ALG5: variants seen among roughly 807,000 people sequenced by gnomAD.
ALG5 encodes the protein dolichyl-phosphate beta-glucosyltransferase.
A neutral mutation model predicts 51.8 loss-of-function variants in ALG5; 26 were observed. The observed-to-expected ratio is 0.50, with a 90% CI of 0.37 to 0.70. The LOEUF is 0.70. Ranked by LOEUF, ALG5 falls within the 30% of genes least tolerant of loss-of-function variation. The probability of loss-of-function intolerance (pLI) is 0.00; values close to 1 mark genes in which losing one functional copy is unlikely to be tolerated. For missense variants in ALG5, 311 were observed against 399.3 expected, an observed-to-expected ratio of 0.78 and a Z score of 1.88; for synonymous variants, 141 against 136.1, an observed-to-expected ratio of 1.04 and a Z score of -0.25.
At chr13:36,977,185 T>A (rs2058955939) in intron 6 of ALG5, among the ~76,000 whole-genome samples, 1 of 152,214 alleles carries the variant, frequency 6.6e-6, no homozygotes, top group African/African-American at 2.4e-5. Flanking sequence ...TCTAAACATT[T>A]TTTCAAAAAG....
chr13:36,992,317 G>A (rs963160663), intron 4 of ALG5, among the ~76,000 whole-genome samples: 1 of 152,164 alleles, frequency 6.6e-6, no homozygotes, highest in Non-Finnish European at 1.5e-5. Context: ...CTTAACAGCT[G>A]AAGAAATGTG....
At chr13:36,962,680 T>C (rs2058873030) in intron 8 of ALG5, among the ~76,000 whole-genome samples, 1 of 152,004 alleles carries the variant, frequency 6.6e-6, no homozygotes, top group South Asian at 2.1e-4. Flanking sequence ...AATAAAAGGC[T>C]TGCATGTAAC....
At chr13:36,984,467 AT>A (rs1365303156) in intron 6 of ALG5, among the ~76,000 whole-genome samples, 1 of 151,636 alleles carries the variant, frequency 6.6e-6, no homozygotes, top group Non-Finnish European at 1.5e-5. Context: ...CTAAATTCTT[AT>A]TTTCATTGTT....
At chr13:36,967,000 AT>A (rs1330859103) in intron 7 of ALG5, among the ~76,000 whole-genome samples, 1 of 152,024 alleles carries the variant, frequency 6.6e-6, no homozygotes, top group East Asian at 1.9e-4. Flanking sequence ...AGGCAGGTGG[AT>A]TGCTTGAGGT....
intron 6 of ALG5, among the ~76,000 whole-genome samples, chr13:36,979,112 G>C (rs2058967313): frequency 6.6e-6 from 1 of 151,990 alleles, no homozygotes; most frequent in Admixed American, 6.6e-5. Flanking sequence ...CACCTCTTGG[G>C]CTCAAGTTAT....
At chr13:36,974,274 GA>G (rs1257351788) in intron 6 of ALG5, among the ~76,000 whole-genome samples, 10 of 152,190 alleles carry the variant, frequency 6.6e-5, no homozygotes, top group Admixed American at 5.9e-4. Context: ...GGGTAACTGA[GA>G]GATGAAAAGT....
At chr13:36,971,926 GAAAT>G in intron 7 of ALG5, 47 bp downstream of exon 7, 1 of 1,428,588 alleles carries the variant, frequency 7.0e-7, no homozygotes, top group Non-Finnish European at 9.6e-7. Flanking sequence ...TATAAAAAAA[GAAAT>G]AAAAGCCAAT....
intron 6 of ALG5, among the ~76,000 whole-genome samples, chr13:36,975,701 TA>T (rs1256144559): frequency 6.6e-6 from 1 of 152,202 alleles, no homozygotes; most frequent in Admixed American, 6.5e-5. Context: ...AATACTAAGT[TA>T]AAAGTCTGAA....
intron 8 of ALG5, among the ~76,000 whole-genome samples, chr13:36,961,980 G>T (rs1352813523): frequency 1.3e-5 from 2 of 152,222 alleles, no homozygotes; most frequent in East Asian, 1.9e-4. Flanking sequence ...TAAAGACGAG[G>T]TTTCACCATT....
rs186425159 is a variant in ALG5 at position 36,961,935 on chromosome 13, C to T, written c.773+3640G>A. Among the ~76,000 whole-genome samples the T allele has an allele frequency of 4.1e-3, 626 of 152,190 alleles. 5 individuals are homozygous for T. Among genetic ancestry groups the T allele is most frequent in the African/African-American group, 0.015 (609 of 41,522 alleles). ...TAGCTGGGATTACAGGTGCCTACCA[C>T]CACGCTTGGCTAATTTTTAAAAATG... is the stretch of plus-strand genomic sequence containing the variant. On this transcript the variant is annotated intron_variant, in intron 8 of 9. Transcript: ENST00000239891.
At chr13:36,976,362 G>A (rs1024586553) in intron 6 of ALG5, among the ~76,000 whole-genome samples, 1 of 142,766 alleles carries the variant, frequency 7.0e-6, no homozygotes, top group East Asian at 2.1e-4. Flanking sequence ...GGAGGTGGAG[G>A]TTGCAGTGAG....
Position 36,950,112 on chromosome 13 carries a change from CG to C in ALG5, c.860-56del, listed in dbSNP as rs2058811899. ...TAGCTTAAATAAACTCAGCAGAAAACGTATCAGTTTAAAGTCAGTCTACATG... is the reference window on the plus strand; with the variant it reads ...TAGCTTAAATAAACTCAGCAGAAAACTATCAGTTTAAAGTCAGTCTACATG... On this transcript the variant is annotated intron_variant, in intron 9 of 9. Coordinates refer to ENST00000239891, the MANE Select transcript of ALG5 (RefSeq NM_013338.5). The C allele has an allele frequency of 1.3e-5, 15 of 1,167,750 alleles. No homozygotes were observed. In the Admixed American group the frequency reaches 1.5e-4, roughly 12 times the overall value. 72.3% of individuals were successfully genotyped at this position (1,167,750 alleles called of 1,614,324 possible).
chr13:36,980,703 T>C (rs2138813248), intron 6 of ALG5, among the ~76,000 whole-genome samples: 1 of 152,222 alleles, frequency 6.6e-6, no homozygotes, highest in East Asian at 1.9e-4. Context: ...CTGAGCGTGG[T>C]GGCCCATGCT....
chr13:36,990,466 C>T (rs2059020883), intron 4 of ALG5, among the ~76,000 whole-genome samples: 1 of 152,206 alleles, frequency 6.6e-6, no homozygotes, highest in Admixed American at 6.5e-5. Context: ...TCCTTAAATG[C>T]TGATAATCCA....
chr13:36,986,266 A>G (rs1292102412), intron 5 of ALG5, among the ~76,000 whole-genome samples: 2 of 152,204 alleles, frequency 1.3e-5, no homozygotes, highest in Admixed American at 6.5e-5. Context: ...AAACTTTAAG[A>G]ATTATGCATA....
intron 8 of ALG5, among the ~76,000 whole-genome samples, chr13:36,958,963 A>G (rs1412216947): frequency 6.6e-6 from 1 of 152,098 alleles, no homozygotes; most frequent in Non-Finnish European, 1.5e-5. Flanking sequence ...TTTTCACTCT[A>G]TTAAATCTTG....
chr13:36,972,480 G>A (rs1320711970), intron 6 of ALG5, among the ~76,000 whole-genome samples: 6 of 150,934 alleles, frequency 4.0e-5, no homozygotes, highest in Non-Finnish European at 8.8e-5. Context: ...CAAAACTTTA[G>A]ATGTCACATG....
intron 9 of ALG5, 143 bp downstream of exon 9, chr13:36,952,371 T>C: frequency 1.6e-6 from 1 of 628,084 alleles, no homozygotes; most frequent in Non-Finnish European, 2.8e-6. Context: ...GTAGGTACTA[T>C]TCTCCTTGGA....
chr13:36,979,474 AC>A (rs1285103121), intron 6 of ALG5, among the ~76,000 whole-genome samples: 3 of 152,204 alleles, frequency 2.0e-5, no homozygotes, highest in African/African-American at 7.2e-5. Flanking sequence ...AGAAGGACTA[AC>A]TGTCACATTC....
Sources: gnomAD v4.1 joint callset for allele counts (sites outside exome capture counted in the v4.1 genomes callset) on GRCh38, gnomAD v4.1.1 for gene constraint, MANE v1.5 for transcripts, NCBI Gene and HGNC (gene_info 2026-07-23, HGNC 2026-07-21) for gene names.